The following RNF213 variants were observed in gnomAD, a reference collection of about 807,000 sequenced individuals.
RNF213 encodes the protein ring finger protein 213.
Under a neutral mutation model 514.4 loss-of-function variants are expected in RNF213, and 341 were observed. The ratio of observed to expected loss-of-function variants is 0.66; its 90% CI spans 0.61 to 0.73. RNF213 has a LOEUF of 0.73. Among genes scored for constraint, RNF213 ranks in the 30% least tolerant of loss-of-function variants. The probability of loss-of-function intolerance (pLI) is 0.00; values close to 1 mark genes in which losing one functional copy is unlikely to be tolerated. For missense variants in RNF213, 5,767 were observed against 6,615.6 expected, an observed-to-expected ratio of 0.87 and a Z score of 4.45; for synonymous variants, 2,655 against 2,658.2, an observed-to-expected ratio of 1.00 and a Z score of 0.04.
In RNF213 at chr17:80,288,134, C is replaced by G. The variant is rs777537902; in HGVS notation, c.581C>G (p.Pro194Arg). 5 of 1,609,496 alleles carry G rather than the reference C, an allele frequency of 3.1e-6. No individual in the cohort carries two copies. Among genetic ancestry groups the G allele is most frequent in the Middle Eastern group, 1.6e-4 (1 of 6,068 alleles). Residue 194 changes from proline (P) to arginine (R), a missense_variant, in exon 4 of 68, where the codon CCG becomes CGG. Coordinates refer to ENST00000582970, the MANE Select transcript of RNF213 (RefSeq NM_001256071.3). This position sits in a 1 kb window ranked among gnomAD's most constrained non-coding sequence, Gnocchi z 4.9. ...ACAGGAAGTGAGGCTCAGAGCAGCC[C>G]GCAATTCCAGGACCACACGGAAGGG... is the stretch of plus-strand genomic sequence containing the variant. Reference protein sequence around the residue: ...VATGSEAQSSPQFQDHTEGED... With the variant: ...VATGSEAQSSRQFQDHTEGED...
At chr17:80,332,754 C>T (rs1273605596) in intron 21 of RNF213, 123 bp downstream of exon 21, 4 of 1,162,830 alleles carry the variant, frequency 3.4e-6, no homozygotes, top group Non-Finnish European at 4.7e-6. Flanking sequence ...GTCAGGGGCT[C>T]CTGTGTGTGT....
At chr17:80,334,017 G>A in intron 21 of RNF213, 88 bp from the exon 22 acceptor site, 1 of 1,467,474 alleles carries the variant, frequency 6.8e-7, no homozygotes, top group Non-Finnish European at 9.2e-7. Flanking sequence ...GGGAGGGTGG[G>A]GCTGCTGGGA....
At chr17:80,358,185 G>C (rs2078904204) in intron 36 of RNF213, 103 bp from the exon 37 acceptor site, 2 of 932,332 alleles carry the variant, frequency 2.1e-6, no homozygotes, top group Admixed American at 1.9e-5. Flanking sequence ...TAGTAGACTA[G>C]TTGTTTTGTT....
chr17:80,273,494 G>A, intron 3 of RNF213, 90 bp downstream of exon 3: 1 of 1,528,792 alleles, frequency 6.5e-7, no homozygotes, highest in Non-Finnish European at 8.9e-7. Flanking sequence ...CCCCGAAAAT[G>A]CCACCATGGC....
intron 20 of RNF213, among the ~76,000 whole-genome samples, chr17:80,329,012 A>T (rs920647262): frequency 1.3e-5 from 2 of 152,194 alleles, no homozygotes; most frequent in African/African-American, 4.8e-5. Flanking sequence ...TTAATTTCTA[A>T]TTCCATCGCA....
chr17:80,330,178 C>T (rs970635238), intron 20 of RNF213, among the ~76,000 whole-genome samples: 7 of 152,304 alleles, frequency 4.6e-5, no homozygotes, highest in Admixed American at 3.3e-4. Context: ...TTCTTGTTCA[C>T]GTTGCAGCAT....
chr17:80,288,590 G>C lies in RNF213; in HGVS notation c.811-43G>C. ...TAAACCATTGAGTCGGAGTCACCCTGGCCCATTTTGTCACCTTGGCTCTGG... is the reference window on the plus strand; with the variant it reads ...TAAACCATTGAGTCGGAGTCACCCTCGCCCATTTTGTCACCTTGGCTCTGG... On this transcript the variant is annotated intron_variant, in intron 4 of 67. Transcript: ENST00000582970. The surrounding 1 kb of genome is among the most constrained non-coding windows in gnomAD (Gnocchi z 4.9). 6.2e-7 allele frequency: 1 copy of C among 1,614,070 alleles called. No homozygotes were observed. The highest frequency in any genetic ancestry group is 8.5e-7 in the Non-Finnish European group (1 of 1,180,034).
Position 80,386,692 on chromosome 17 carries a change from A to G in RNF213, c.14723A>G (p.Tyr4908Cys), listed in dbSNP as rs770683115. ...VEKLSKENNS[Y>C]SVDAAEVTEL... ...AGCGCTGTCTTTCTGCCCCTCAGCT[A>G]TTCCGTGGATGCCGCCGAGGTCACT... Residue 4908 changes from tyrosine (Y) to cysteine (C), a missense_variant and splice_region_variant, in exon 63 of 68, where the codon TAT (tyrosine) becomes TGT (cysteine). Tyr to Cys is a radical substitution (Grantham distance 194). Coordinates refer to ENST00000582970, the MANE Select transcript of RNF213 (RefSeq NM_001256071.3). 2.5e-6 allele frequency: 4 copies of G among 1,614,162 alleles called. No individual in the cohort carries two copies. The highest frequency in any genetic ancestry group is 3.3e-5 in the Admixed American group (2 of 60,024).
chr17:80,310,856 A>AT (rs890115021), intron 14 of RNF213, among the ~76,000 whole-genome samples: 24 of 152,028 alleles, frequency 1.6e-4, no homozygotes, highest in African/African-American at 5.3e-4. Flanking sequence ...CCGGCTGATC[A>AT]TTTTTTTTAA....
At chr17:80,290,825 T>G in intron 7 of RNF213, 97 bp downstream of exon 7, 1 of 1,385,250 alleles carries the variant, frequency 7.2e-7, no homozygotes, top group East Asian at 2.5e-5. Flanking sequence ...TTTTTTTTTT[T>G]CTGAGACGGA....
At position 80,381,628 on chromosome 17, in the gene RNF213, T is replaced by C. The variant is rs778641544; in HGVS notation, c.13879T>C (p.Leu4627=). Residue 4627 remains leucine (L), a synonymous_variant, in exon 57 of 68, where the codon TTG becomes CTG. Coordinates refer to ENST00000582970, the MANE Select transcript of RNF213 (RefSeq NM_001256071.3). The part of the protein sequence containing the change: ...QQHILKDLEQ[L]AKMLGHSADE... ...GCACATCCTGAAGGACCTGGAGCAG[T>C]TGGCCAAGATGCTGGGACACAGTGC... The C allele has an allele frequency of 3.1e-6, 5 of 1,614,086 alleles. No individual in the cohort carries two copies. Among genetic ancestry groups the C allele is most frequent in the East Asian group, 2.2e-5 (1 of 44,896 alleles).
At chr17:80,362,872 A>G (rs889652279) in intron 39 of RNF213, among the ~76,000 whole-genome samples, 6 of 152,236 alleles carry the variant, frequency 3.9e-5, no homozygotes, top group African/African-American at 1.4e-4. Context: ...ACTCAGTCAT[A>G]GGGAAAGTTC....
intron 55 of RNF213, 164 bp downstream of exon 55, chr17:80,379,878 C>T: frequency 1.5e-6 from 1 of 680,346 alleles, no homozygotes; most frequent in Non-Finnish European, 2.7e-6. Flanking sequence ...AGTCACACAG[C>T]AGGGAGGCAT....
Position 80,325,182 on chromosome 17 carries a change from C to T in RNF213, c.3177C>T (p.His1059=), listed in dbSNP as rs922991924. 14 of 1,534,450 alleles carry T rather than the reference C, an allele frequency of 9.1e-6. 1 individual carries two copies. The highest frequency in any genetic ancestry group is 1.7e-4 in the Middle Eastern group (1 of 5,950). ...KHLLTLADVK[H]VFRLCGTDEK... The stretch of plus-strand genomic sequence containing the variant: ...TGCTCACGTTGGCAGATGTCAAGCA[C>T]GTCTTCAGATTGTGTGGTATGTTTG... Residue 1059 remains histidine, a synonymous_variant, in exon 18 of 68, where the codon CAC becomes CAT. Transcript: ENST00000582970.
intron 1 of RNF213, among the ~76,000 whole-genome samples, chr17:80,262,032 T>G (rs946936303): frequency 1.5e-4 from 23 of 152,136 alleles, no homozygotes; most frequent in African/African-American, 4.8e-4. Flanking sequence ...TTTTGGAGGA[T>G]TTTTCGAGTT....
rs746688830 is a variant in RNF213, at chr17:80,377,720, G to C, written c.13511-42G>C. 3 of 1,612,626 alleles carry C rather than the reference G, an allele frequency of 1.9e-6. No homozygotes were observed. Among genetic ancestry groups the C allele is most frequent in the African/African-American group, 1.3e-5 (1 of 74,888 alleles). On this transcript the variant is annotated intron_variant, in intron 53 of 67. Transcript: ENST00000582970. This position sits in a 1 kb window ranked among gnomAD's most constrained non-coding sequence, Gnocchi z 4.1. Reference sequence around the variant, plus strand: ...TTCCCTTTTCAATGTGGGTCATTGGGTGAAACCTCATTAGCCAATGTGTGT... The same window carrying C: ...TTCCCTTTTCAATGTGGGTCATTGGCTGAAACCTCATTAGCCAATGTGTGT...
At chr17:80,269,550 C>T (rs2043741523) in intron 2 of RNF213, among the ~76,000 whole-genome samples, 1 of 151,124 alleles carries the variant, frequency 6.6e-6, no homozygotes, top group African/African-American at 2.4e-5. Context: ...TTCATCTATC[C>T]ATCTATTCTA....
In RNF213 at chr17:80,339,392, C is replaced by T. The variant is rs2078083356; in HGVS notation, c.5025C>T (p.Ala1675=). 1 of 1,537,082 alleles carries T rather than the reference C, an allele frequency of 6.5e-7. No individual in the cohort carries two copies. Among genetic ancestry groups the T allele is most frequent in the Non-Finnish European group, 8.7e-7 (1 of 1,146,908 alleles). The part of the protein sequence containing the change: ...EGGDVTELLA[A]LCRQMEHFLD... ...GAGATGTCACTGAGCTGCTGGCAGC[C>T]CTCTGCAGGCAGATGGAGCACTTCC... is the stretch of plus-strand genomic sequence containing the variant. The change falls in exon 26 of 68, where the codon GCC becomes GCT. Residue 1675 remains alanine, a synonymous_variant. Coordinates refer to ENST00000582970, the MANE Select transcript of RNF213 (RefSeq NM_001256071.3).
chr17:80,319,731 T>C (rs1024703077), intron 17 of RNF213: 131 of 1,393,090 alleles, frequency 9.4e-5, no homozygotes, highest in Non-Finnish European at 1.2e-4. Context: ...AAATGGAAAA[T>C]TGTATCAATT....
Sources: allele counts gnomAD v4.1 joint callset (sites outside exome capture counted in the v4.1 genomes callset), GRCh38; gene constraint gnomAD v4.1.1; non-coding constraint Gnocchi (gnomAD v3.1); transcripts MANE v1.5; gene names NCBI Gene and HGNC (gene_info 2026-07-23, HGNC 2026-07-21).